PRKN: variants seen among roughly 807,000 people sequenced by gnomAD.
PRKN encodes the protein E3 ubiquitin-protein ligase parkin.
Under a neutral mutation model 59.5 loss-of-function variants are expected in PRKN, and 56 were observed. The ratio of observed to expected loss-of-function variants is 0.94; its 90% confidence interval spans 0.76 to 1.18. PRKN has a LOEUF of 1.18. Among genes scored for constraint, PRKN ranks in the 50% most tolerant of loss-of-function variants. The pLI is 0.00. For missense variants in PRKN, 657 were observed against 596.4 expected, an observed-to-expected ratio of 1.10 and a Z score of -1.06; for synonymous variants, 250 against 222.1, an observed-to-expected ratio of 1.13 and a Z score of -1.12.
chr6:162,481,641 TAAAATG>T (rs1049977353), intron 1 of PRKN, among the ~76,000 whole-genome samples: 1 of 152,218 alleles, frequency 6.6e-6, no homozygotes, highest in Non-Finnish European at 1.5e-5. Context: ...CATTTTTTCA[TAAAATG>T]AAGAGTGCAG....
rs1260176547 is a variant in PRKN at position 161,593,087 on chromosome 6, T to A, written c.872-23671A>T. Among the ~76,000 whole-genome samples the A allele has an allele frequency of 1.3e-5, 2 of 152,202 alleles. No homozygotes were observed. The highest frequency in any genetic ancestry group is 1.9e-4 in the East Asian group (1 of 5,190). On this transcript the variant is annotated intron_variant, in intron 7 of 11. Transcript: ENST00000366898. This position sits in a 1 kb window ranked among gnomAD's most constrained non-coding sequence, Gnocchi z 4.8. ...CACCCCACGTCCGCTGCTGTTAACA[T>A]CCTACATAACCAGGCCATCTTCCCA...
At chr6:162,527,328 A>AT (rs1387289168) in intron 1 of PRKN, among the ~76,000 whole-genome samples, 3 of 152,242 alleles carry the variant, frequency 2.0e-5, no homozygotes, top group Admixed American at 6.5e-5. Context: ...AAATTCGCAC[A>AT]TAACAGTCTT....
chr6:161,977,609 C>T (rs1471194283), intron 5 of PRKN, among the ~76,000 whole-genome samples: 10 of 145,458 alleles, frequency 6.9e-5, no homozygotes, highest in Non-Finnish European at 1.0e-4. Flanking sequence ...CGCAGTGGCA[C>T]GATCTTGGCT....
rs983521727 is a variant in PRKN at position 161,593,972 on chromosome 6, A to C, written c.872-24556T>G. ...TGAGACCAGCCTGGCCAACATAGTG[A>C]AACCCCATCTCTACTAAAAAAAAAA... On this transcript the variant is annotated intron_variant, in intron 7 of 11. Transcript: ENST00000366898. The surrounding 1 kb of genome is among the most constrained non-coding windows in gnomAD (Gnocchi z 4.8). Among the ~76,000 whole-genome samples the C allele has an allele frequency of 6.6e-6, 1 of 151,694 alleles. No homozygotes were observed. The highest frequency in any genetic ancestry group is 6.6e-5 in the Admixed American group (1 of 15,248).
chr6:161,749,365 GTA>G (rs1285682779), intron 7 of PRKN, among the ~76,000 whole-genome samples: 4 of 152,036 alleles, frequency 2.6e-5, no homozygotes, highest in African/African-American at 9.7e-5. Flanking sequence ...GTGTATAATC[GTA>G]TACCTTACAT....
At chr6:162,719,095 C>T (rs1481825301) in intron 1 of PRKN, among the ~76,000 whole-genome samples, 1 of 152,206 alleles carries the variant, frequency 6.6e-6, no homozygotes, top group South Asian at 2.1e-4. Context: ...CACAACAGAT[C>T]TCTACGAAAT....
rs147907561 is a variant in PRKN, at chr6:161,821,938, G to A, written c.735-36030C>T. On this transcript the variant is annotated intron_variant, in intron 6 of 11. Transcript: ENST00000366898. ...TGATTTTTGTATTTTTAGTAGAGAC[G>A]GGGTTTCACCATGTGGACCAGGCTG... Among the ~76,000 whole-genome samples the A allele has an allele frequency of 9.9e-3, 1,498 of 151,568 alleles. 25 individuals carry two copies. Among genetic ancestry groups the A allele is most frequent in the African/African-American group, 0.035 (1,434 of 41,334 alleles).
chr6:161,757,504 C>T (rs2128196980), intron 7 of PRKN, among the ~76,000 whole-genome samples: 1 of 152,126 alleles, frequency 6.6e-6, no homozygotes, highest in East Asian at 1.9e-4. Flanking sequence ...TTAACAGGCA[C>T]TTCACCAAAG....
chr6:161,968,860 T>C (rs1780687278), intron 6 of PRKN, among the ~76,000 whole-genome samples: 1 of 152,352 alleles, frequency 6.6e-6, no homozygotes. Context: ...CACCGTGATA[T>C]TATGAATAGT....
intron 1 of PRKN, among the ~76,000 whole-genome samples, chr6:162,601,467 G>A (rs764340683): frequency 1.3e-5 from 2 of 152,138 alleles, no homozygotes; most frequent in Admixed American, 6.5e-5. Context: ...TGTATAATTA[G>A]TTCGTTCCTC....
intron 1 of PRKN, among the ~76,000 whole-genome samples, chr6:162,548,276 C>A (rs1344357338): frequency 1.3e-5 from 2 of 151,518 alleles, no homozygotes; most frequent in African/African-American, 4.9e-5. Flanking sequence ...CCAGGATGAT[C>A]TCAATCTCTT....
At chr6:162,503,780 T>C (rs56061352) in intron 1 of PRKN, among the ~76,000 whole-genome samples, 42,710 of 152,016 alleles carry the variant, frequency 0.28, 6,872 homozygotes, top group Non-Finnish European at 0.36. Flanking sequence ...CTTTCAGATA[T>C]TGAAAGGAGA....
chr6:161,924,723 A>C (rs936923589), intron 6 of PRKN, among the ~76,000 whole-genome samples: 2 of 152,218 alleles, frequency 1.3e-5, no homozygotes, highest in African/African-American at 4.8e-5. Flanking sequence ...AACTTCAAGC[A>C]AGCTAGTTTT....
rs575326630 is a variant in PRKN at position 161,951,790 on chromosome 6, C to T, written c.734+21512G>A. The stretch of plus-strand genomic sequence containing the variant: ...AAGTTACCTTAGCTAGGCATGGTGA[C>T]GGGCCCCTGTAATCCCAGCTGCTCG... On this transcript the variant is annotated intron_variant, in intron 6 of 11. Coordinates refer to ENST00000366898, the MANE Select transcript of PRKN (RefSeq NM_004562.3). 3.3e-5 allele frequency among the ~76,000 whole-genome samples: 5 copies of T among 152,134 alleles called. No individual in the cohort carries two copies. The East Asian group carries it at 7.7e-4, about 24-fold the overall frequency.
At chr6:162,377,609 T>A (rs565930111) in intron 2 of PRKN, among the ~76,000 whole-genome samples, 1 of 152,208 alleles carries the variant, frequency 6.6e-6, no homozygotes, top group African/African-American at 2.4e-5. Flanking sequence ...CACAGGCCCA[T>A]GGCCAGCCTA....
At chr6:162,328,732 A>T (rs569972868) in intron 2 of PRKN, among the ~76,000 whole-genome samples, 1 of 152,282 alleles carries the variant, frequency 6.6e-6, no homozygotes, top group African/African-American at 2.4e-5. Flanking sequence ...AACAATTAAA[A>T]CAGGCTCCAG....
At chr6:161,664,514 A>C (rs980700572) in intron 7 of PRKN, among the ~76,000 whole-genome samples, 13 of 149,656 alleles carry the variant, frequency 8.7e-5, no homozygotes, top group African/African-American at 3.2e-4. Context: ...TTTAAAATAC[A>C]GCCTAATACT....
chr6:162,264,581 C>T (rs1015527956), intron 2 of PRKN, among the ~76,000 whole-genome samples: 1 of 152,036 alleles, frequency 6.6e-6, no homozygotes, highest in African/African-American at 2.4e-5. Flanking sequence ...CCCATTCCAA[C>T]CTCTTCTCTA....
At chr6:162,673,553 T>G (rs1779415745) in intron 1 of PRKN, among the ~76,000 whole-genome samples, 2 of 152,138 alleles carry the variant, frequency 1.3e-5, no homozygotes, top group Non-Finnish European at 2.9e-5. Flanking sequence ...GCCTAGCTAA[T>G]TTTTGTATTT....
Sources: allele counts gnomAD v4.1 joint callset (sites outside exome capture counted in the v4.1 genomes callset), GRCh38; gene constraint gnomAD v4.1.1; non-coding constraint Gnocchi (gnomAD v3.1); transcripts MANE v1.5; gene names NCBI Gene and HGNC (gene_info 2026-07-23, HGNC 2026-07-21).